KLRF1: variants seen among roughly 807,000 people sequenced by gnomAD.
KLRF1 encodes killer cell lectin like receptor F1.
Under a neutral mutation model 30.7 loss-of-function variants are expected in KLRF1, and 27 were observed. The ratio of observed to expected loss-of-function variants is 0.88; its 90% CI spans 0.65 to 1.21. KLRF1 has a LOEUF of 1.21. Among genes scored for constraint, KLRF1 ranks in the 50% most tolerant of loss-of-function variants. The probability of loss-of-function intolerance (pLI) is 0.00; values close to 1 mark genes in which losing one functional copy is unlikely to be tolerated. For synonymous variants in KLRF1, 92 were observed against 89.3 expected (o/e 1.03, Z -0.17); for missense variants, 246 against 259.3 (o/e 0.95, Z 0.35).
In KLRF1 at chr12:9,833,352, C is replaced by T. The variant is rs760668890; in HGVS notation, c.234C>T (p.Ala78=). The change falls in exon 3 of 6, where the codon GCC becomes GCT. Residue 78 remains alanine, a synonymous_variant. Transcript: ENST00000617889. The part of the protein sequence containing the change: ...LKCQKGSCSN[A]TQYEDTGDLK... ...GCCAAAAAGGAAGTTGTTCAAATGC[C>T]ACTCAGTATGAGGACACTGGAGATC... is the stretch of plus-strand genomic sequence containing the variant. The T allele has an allele frequency of 3.1e-6, 5 of 1,607,840 alleles. No individual in the cohort carries two copies. In the South Asian group the frequency reaches 4.4e-5, roughly 14 times the overall value.
At position 9,842,326 on chromosome 12, in the gene KLRF1, T is replaced by C. The variant is rs1565510535; in HGVS notation, c.480T>C (p.Phe160=). The C allele has an allele frequency of 1.2e-6, 2 of 1,611,490 alleles. No homozygotes were observed. The highest frequency in any genetic ancestry group is 3.3e-5 in the Admixed American group (2 of 59,754). The part of the protein sequence containing the change: ...LIIHDQLEMA[F]IQKNLRQLNY... ...GTCCCTCGTCCACATTTTAGGCTTTTATACAGAAAAACCTAAGACAATTAA... is the reference window on the plus strand; with the variant it reads ...GTCCCTCGTCCACATTTTAGGCTTTCATACAGAAAAACCTAAGACAATTAA... The change falls in exon 5 of 6, where the codon TTT becomes TTC. Residue 160 remains phenylalanine, a synonymous_variant. Coordinates refer to ENST00000617889, the MANE Select transcript of KLRF1 (RefSeq NM_016523.3).
chr12:9,839,519 T>TATA (rs1424991630), intron 3 of KLRF1, among the ~76,000 whole-genome samples: 1 of 152,008 alleles, frequency 6.6e-6, no homozygotes, highest in East Asian at 1.9e-4. Context: ...AAAGAACACT[T>TATA]ATAACTCAAA....
At chr12:9,829,784 G>GT (rs2121195389) in intron 1 of KLRF1, among the ~76,000 whole-genome samples, 1 of 152,196 alleles carries the variant, frequency 6.6e-6, no homozygotes, top group African/African-American at 2.4e-5. Context: ...AATTTAAAAA[G>GT]TTTAAAAAAT....
chr12:9,825,567 T>C (rs1417085641), upstream of KLRF1, among the ~76,000 whole-genome samples: 1 of 151,912 alleles, frequency 6.6e-6, no homozygotes, highest in Non-Finnish European at 1.5e-5. Context: ...CCCTGGAAGA[T>C]AACCTAGGAA....
intron 3 of KLRF1, among the ~76,000 whole-genome samples, chr12:9,833,662 AG>A (rs1867499995): frequency 6.6e-6 from 1 of 152,202 alleles, no homozygotes; most frequent in Non-Finnish European, 1.5e-5. Context: ...TCTGCCCTCC[AG>A]GAATTTAAAA....
At chr12:9,811,812 T>C in the KLRF1 span, among the ~76,000 whole-genome samples, 103 of 152,310 alleles carry the variant, frequency 6.8e-4, 1 homozygote, top group African/African-American at 2.4e-3. Flanking sequence ...TTTACATACA[T>C]ACTGAGCAGG....
At chr12:9,801,182 CT>C in the KLRF1 span, among the ~76,000 whole-genome samples, 3 of 151,952 alleles carry the variant, frequency 2.0e-5, no homozygotes, top group African/African-American at 7.2e-5. Context: ...TGATCTCATT[CT>C]TTTTTATGGC....
the KLRF1 span, among the ~76,000 whole-genome samples, chr12:9,807,691 T>C: frequency 6.6e-6 from 1 of 152,154 alleles, no homozygotes; most frequent in African/African-American, 2.4e-5. Flanking sequence ...GCTTTCACTC[T>C]TAAGAATATT....
the KLRF1 span, among the ~76,000 whole-genome samples, chr12:9,813,767 C>G: frequency 6.6e-6 from 1 of 152,098 alleles, no homozygotes; most frequent in African/African-American, 2.4e-5. Context: ...GTCTGGGAGC[C>G]CAGAGACTTC....
chr12:9,843,021 G>A (rs1867738951), intron 5 of KLRF1, among the ~76,000 whole-genome samples: 4 of 152,178 alleles, frequency 2.6e-5, no homozygotes, highest in Admixed American at 2.0e-4. Context: ...TGCTGTGAAT[G>A]TGTTATTTTA....
intron 3 of KLRF1, among the ~76,000 whole-genome samples, chr12:9,841,297 A>G (rs1867695848): frequency 6.6e-6 from 1 of 151,984 alleles, no homozygotes; most frequent in African/African-American, 2.4e-5. Flanking sequence ...AAAAACACAC[A>G]CTGGGGCCTA....
chr12:9,839,614 G>A (rs1219378086), intron 3 of KLRF1, among the ~76,000 whole-genome samples: 1 of 152,044 alleles, frequency 6.6e-6, no homozygotes, highest in African/African-American at 2.4e-5. Flanking sequence ...ATAAGCACTT[G>A]AAGAGATGTT....
At position 9,839,262 on chromosome 12, in the gene KLRF1, C is replaced by G. The variant is rs993293283; in HGVS notation, c.335-2550C>G. Among the ~76,000 whole-genome samples the G allele has an allele frequency of 3.9e-5, 6 of 152,064 alleles. No homozygotes were observed. The South Asian group carries it at 1.2e-3, about 32-fold the overall frequency. ...CAGATCGCAGAATGACTCAAGTTAT[C>G]TCAGGACTCTTACGAGTACTAATCC... On this transcript the variant is annotated intron_variant, in intron 3 of 5. Transcript: ENST00000617889.
chr12:9,840,060 C>A (rs879381878), intron 3 of KLRF1, among the ~76,000 whole-genome samples: 2 of 151,936 alleles, frequency 1.3e-5, no homozygotes, highest in South Asian at 2.1e-4. Flanking sequence ...CTTTTATGAA[C>A]CTTGAAAACA....
the KLRF1 span, among the ~76,000 whole-genome samples, chr12:9,805,744 C>G: frequency 6.6e-6 from 1 of 151,962 alleles, no homozygotes; most frequent in Non-Finnish European, 1.5e-5. Flanking sequence ...GACTTTTCAT[C>G]AGTTGAATCT....
chr12:9,805,805 ATTGT>A, the KLRF1 span, among the ~76,000 whole-genome samples: 2 of 151,936 alleles, frequency 1.3e-5, no homozygotes, highest in African/African-American at 4.8e-5. Context: ...GTAATACTTG[ATTGT>A]TTGTATTACT....
At chr12:9,822,160 C>T in the KLRF1 span, among the ~76,000 whole-genome samples, 2 of 152,188 alleles carry the variant, frequency 1.3e-5, no homozygotes, top group Non-Finnish European at 1.5e-5. Flanking sequence ...GGGTTTTAAA[C>T]CAGCAGAGCT....
intron 1 of KLRF1, among the ~76,000 whole-genome samples, chr12:9,827,833 T>C (rs56825867): frequency 6.6e-6 from 1 of 152,148 alleles, no homozygotes; most frequent in East Asian, 1.9e-4. Context: ...AACACCAGTT[T>C]CCGGCACTAT....
At chr12:9,803,633 A>T in the KLRF1 span, among the ~76,000 whole-genome samples, 840 of 151,970 alleles carry the variant, frequency 5.5e-3, 11 homozygotes, top group African/African-American at 0.019. Context: ...TTATTTAAAA[A>T]TTTTTCTCTT....
Sources: allele counts gnomAD v4.1 joint callset (sites outside exome capture counted in the v4.1 genomes callset), GRCh38; gene constraint gnomAD v4.1.1; transcripts MANE v1.5; gene names NCBI Gene and HGNC (gene_info 2026-07-23, HGNC 2026-07-21).